The following ITSN1 variants were observed in gnomAD, a reference collection of about 807,000 sequenced individuals.
ITSN1 encodes the protein intersectin-1.
ITSN1 carries 58 observed loss-of-function variants against 239.8 expected under a neutral mutation model. The ratio of observed to expected loss-of-function variants is 0.24; its 90% CI spans 0.20 to 0.30. The LOEUF (loss-of-function observed/expected upper bound fraction) is 0.30. Among genes scored for constraint, ITSN1 ranks in the 10% least tolerant of loss-of-function variants. The pLI is 1.00. For synonymous variants in ITSN1, 780 were observed against 770.8 expected (o/e 1.01, Z -0.20); for missense variants, 1,558 against 2,103.3 (o/e 0.74, Z 5.07).
chr21:33,873,301 G>A (rs1012695582), intron 33 of ITSN1, among the ~76,000 whole-genome samples: 27 of 152,248 alleles, frequency 1.8e-4, no homozygotes, highest in Admixed American at 1.7e-3. Context: ...TTGTTTGTAT[G>A]TGGACAAGGC....
rs909828839 is a variant in ITSN1 at position 33,875,651 on chromosome 21, T to A, written c.4341+130T>A. On this transcript the variant is annotated intron_variant, in intron 34 of 39. Coordinates refer to ENST00000381318, the MANE Select transcript of ITSN1 (RefSeq NM_003024.3). ...AGCATCCTCATTTCCATCCAGCTGC[T>A]TCTCATCTGCTGTTTCATCCACCCA... 5.2e-6 allele frequency: 4 copies of A among 769,580 alleles called. No homozygotes were observed. The African/African-American group carries it at 7.0e-5, about 14-fold the overall frequency. The allele number at this position is 769,580 out of a possible 1,614,324, so 47.7% of individuals were successfully genotyped here.
At position 33,829,533 on chromosome 21, in the gene ITSN1, A is replaced by C. The variant is rs140259476; in HGVS notation, c.3230-91A>C. 46 of 1,375,824 alleles carry C rather than the reference A, an allele frequency of 3.3e-5. No individual in the cohort carries two copies. In the African/African-American group the frequency reaches 5.9e-4, roughly 18 times the overall value. 85.2% of individuals were successfully genotyped at this position (1,375,824 alleles called of 1,614,324 possible). A position where few individuals can be genotyped will look rare whatever the true frequency, so the allele number is the denominator to read the frequency against. On this transcript the variant is annotated intron_variant, in intron 26 of 39. Transcript: ENST00000381318. ...TCAATACATTGGTTTTGATGTGTTC[A>C]TCTGTGAACCTGGGAGGCGCCTGCA...
intron 27 of ITSN1, among the ~76,000 whole-genome samples, chr21:33,833,511 A>G (rs2074413328): frequency 6.6e-6 from 1 of 152,234 alleles, no homozygotes; most frequent in African/African-American, 2.4e-5. Context: ...GAAATTGAGA[A>G]TAATAATACT....
At chr21:33,679,115 A>G (rs935553806) in intron 1 of ITSN1, among the ~76,000 whole-genome samples, 2 of 152,220 alleles carry the variant, frequency 1.3e-5, no homozygotes, top group Admixed American at 1.3e-4. Context: ...ATGAGATTAC[A>G]TCATCTTATA....
intron 4 of ITSN1, among the ~76,000 whole-genome samples, chr21:33,731,270 T>C (rs1189049819): frequency 6.6e-6 from 1 of 152,168 alleles, no homozygotes; most frequent in African/African-American, 2.4e-5. Flanking sequence ...CACTGGATAT[T>C]CCTGTTTCTC....
rs369570045 is a variant in ITSN1, at chr21:33,873,898, C to T, written c.4174-1456C>T. 9.3e-4 allele frequency among the ~76,000 whole-genome samples: 141 copies of T among 151,262 alleles called. 2 individuals are homozygous for T. The South Asian group carries it at 0.026, about 28-fold the overall frequency. On this transcript the variant is annotated intron_variant, in intron 33 of 39. Transcript: ENST00000381318. Reference sequence around the variant, plus strand: ...ATTTATGGCTGGGTGCGGTGGCTCGCGCCTGTAATCCCAGCACTTTGGGAG... The same window carrying T: ...ATTTATGGCTGGGTGCGGTGGCTCGTGCCTGTAATCCCAGCACTTTGGGAG...
In ITSN1 at chr21:33,722,559, T is replaced by C. The variant is rs1271305967; in HGVS notation, c.122-29T>C. ...GTCAGCTGTTGTTTTTTTTTTTTTTTCCTGAAACTTTTTCTGTTTAATTTA... is the reference window on the plus strand; with the variant it reads ...GTCAGCTGTTGTTTTTTTTTTTTTTCCCTGAAACTTTTTCTGTTTAATTTA... On this transcript the variant is annotated intron_variant, in intron 3 of 39. Transcript: ENST00000381318. 5.0e-5 allele frequency: 77 copies of C among 1,540,658 alleles called. 1 individual carries two copies. The highest frequency in any genetic ancestry group is 6.2e-5 in the Non-Finnish European group (72 of 1,153,184).
chr21:33,754,124 T>C (rs937418400), intron 7 of ITSN1: 5 of 152,142 alleles, frequency 3.3e-5, no homozygotes, highest in Admixed American at 3.3e-4. Context: ...ACTAGATAGT[T>C]AGCTTCTTGA....
intron 27 of ITSN1, among the ~76,000 whole-genome samples, chr21:33,834,103 G>T (rs1198637541): frequency 1.3e-5 from 2 of 152,012 alleles, no homozygotes; most frequent in Non-Finnish European, 2.9e-5. Context: ...AAACATTCTG[G>T]GCTTTGCTGA....
chr21:33,820,871 T>C (rs1281092125), intron 24 of ITSN1, among the ~76,000 whole-genome samples: 1 of 152,148 alleles, frequency 6.6e-6, no homozygotes, highest in African/African-American at 2.4e-5. Flanking sequence ...GAAAAAAACT[T>C]TGGTGTGTTA....
At chr21:33,670,995 G>T (rs2090239508) in intron 1 of ITSN1, among the ~76,000 whole-genome samples, 1 of 152,192 alleles carries the variant, frequency 6.6e-6, no homozygotes, top group Admixed American at 6.5e-5. Flanking sequence ...AGTGAAACTT[G>T]GAAAAAGTCT....
rs142628414 is a variant in ITSN1 at position 33,666,684 on chromosome 21, G to A, written c.-33+23971G>A. Among the ~76,000 whole-genome samples the A allele has an allele frequency of 2.0e-5, 3 of 152,342 alleles. No individual in the cohort carries two copies. The East Asian group carries it at 5.8e-4, about 29-fold the overall frequency. Reference sequence around the variant, plus strand: ...AGTTTTAAGTATGTCTTTGCCTTGTGCAGATATTCTCAAAGGGTATTGTGG... The same window carrying A: ...AGTTTTAAGTATGTCTTTGCCTTGTACAGATATTCTCAAAGGGTATTGTGG... On this transcript the variant is annotated intron_variant, in intron 1 of 39. Transcript: ENST00000381318.
chr21:33,883,636 C>T lies in ITSN1; in HGVS notation c.4641C>T (p.Arg1547=), dbSNP rs752802945. Residue 1547 remains arginine (R), a synonymous_variant, in exon 36 of 40, where the codon CGC becomes CGT. Coordinates refer to ENST00000381318, the MANE Select transcript of ITSN1 (RefSeq NM_003024.3). ...TCTTCCACATCTCCCACATTGACCG[C>T]GTCTATACTCTCCGAGCAGAAAGCA... ...EPIFHISHID[R]VYTLRAESIN... 82 of 1,613,722 alleles carry T rather than the reference C, an allele frequency of 5.1e-5. No homozygotes were observed. The East Asian group carries it at 1.7e-3, about 34-fold the overall frequency.
chr21:33,769,655 A>T (rs2068976737), intron 11 of ITSN1, among the ~76,000 whole-genome samples: 1 of 150,698 alleles, frequency 6.6e-6, no homozygotes, highest in South Asian at 2.1e-4. Flanking sequence ...ATGCAGAGGG[A>T]GACAGATCTC....
intron 27 of ITSN1, among the ~76,000 whole-genome samples, chr21:33,830,430 T>C (rs1420133982): frequency 6.6e-6 from 1 of 152,060 alleles, no homozygotes; most frequent in African/African-American, 2.4e-5. Flanking sequence ...ACAATAATTA[T>C]AGAGTGGGGA....
intron 3 of ITSN1, 105 bp from the exon 4 acceptor site, chr21:33,722,483 G>A: frequency 7.3e-7 from 1 of 1,361,858 alleles, no homozygotes; most frequent in Non-Finnish European, 9.7e-7. Flanking sequence ...GGTATTTATA[G>A]TATTACCAGC....
chr21:33,649,728 A>G (rs905448635), intron 1 of ITSN1, among the ~76,000 whole-genome samples: 7 of 152,092 alleles, frequency 4.6e-5, no homozygotes, highest in African/African-American at 1.7e-4. Context: ...TGAAAATAAC[A>G]ATGTCTGGCC....
intron 1 of ITSN1, among the ~76,000 whole-genome samples, chr21:33,694,888 C>T (rs568607922): frequency 6.1e-4 from 93 of 152,376 alleles, no homozygotes; most frequent in Non-Finnish European, 9.7e-4. Flanking sequence ...AATCATGGTT[C>T]TCTGCAGCCT....
intron 32 of ITSN1, among the ~76,000 whole-genome samples, chr21:33,866,453 T>A (rs1272590798): frequency 6.6e-6 from 1 of 151,910 alleles, no homozygotes; most frequent in Admixed American, 6.6e-5. Context: ...AGGAAAGTGC[T>A]GACACCAGCC....
Sources: gnomAD v4.1 joint callset for allele counts (sites outside exome capture counted in the v4.1 genomes callset) on GRCh38, gnomAD v4.1.1 for gene constraint, MANE v1.5 for transcripts, NCBI Gene and HGNC (gene_info 2026-07-23, HGNC 2026-07-21) for gene names.